Variants in PTPRB observed in about 807,000 individuals in gnomAD.
PTPRB encodes protein tyrosine phosphatase receptor type B.
In PTPRB, 97 loss-of-function variants were observed where a neutral mutation model predicts 238.1. That is an observed-to-expected ratio of 0.41 (90% CI 0.35 to 0.48). PTPRB has a LOEUF of 0.48. Ranked by LOEUF, PTPRB falls within the 20% of genes least tolerant of loss-of-function variation. The pLI is 0.30. For synonymous variants in PTPRB, 970 were observed against 995.4 expected (o/e 0.97, Z 0.48); for missense variants, 2,292 against 2,681.9 (o/e 0.85, Z 3.21).
At chr12:70,551,351 A>T (rs1340112878) in intron 21 of PTPRB, among the ~76,000 whole-genome samples, 1 of 152,120 alleles carries the variant, frequency 6.6e-6, no homozygotes, top group Non-Finnish European at 1.5e-5. Flanking sequence ...TTTAATCTGG[A>T]GGTGCTGACC....
chr12:70,580,261 G>C (rs886541267), intron 10 of PTPRB, among the ~76,000 whole-genome samples: 2 of 152,100 alleles, frequency 1.3e-5, no homozygotes, highest in Non-Finnish European at 2.9e-5. Context: ...TTAAGCACTT[G>C]TTTAACGTTG....
intron 9 of PTPRB, among the ~76,000 whole-genome samples, chr12:70,585,715 T>C (rs189086413): frequency 4.6e-5 from 7 of 152,206 alleles, no homozygotes; most frequent in African/African-American, 1.7e-4. Flanking sequence ...GTTACATAGG[T>C]ATACATGTGC....
rs775969041 is a variant in PTPRB at position 70,580,993 on chromosome 12, T to C, written c.2578+43A>G. 7 of 1,588,292 alleles carry C rather than the reference T, an allele frequency of 4.4e-6. No individual in the cohort carries two copies. The Admixed American group carries it at 1.2e-4, about 27-fold the overall frequency. The stretch of plus-strand genomic sequence containing the variant: ...TATTCTGATTAGGGGTCTCATGTAC[T>C]CAGATCTTAGTTAAGTCACAGACAC... On this transcript the variant is annotated intron_variant, in intron 10 of 33. Transcript: ENST00000334414.
chr12:70,552,132 T>G (rs1485675930), intron 21 of PTPRB, among the ~76,000 whole-genome samples: 2 of 152,178 alleles, frequency 1.3e-5, no homozygotes, highest in African/African-American at 2.4e-5. Context: ...AACTCAGTCA[T>G]TTTATTTGGA....
chr12:70,532,151 C>T lies in PTPRB; in HGVS notation c.6388G>A (p.Gly2130Arg), dbSNP rs1873353683. The T allele has an allele frequency of 6.2e-7, 1 of 1,610,278 alleles. No individual in the cohort carries two copies. The highest frequency in any genetic ancestry group is 8.5e-7 in the Non-Finnish European group (1 of 1,178,774). Residue 2130 changes from glycine to arginine, a missense_variant, in exon 32 of 34, where the codon GGA becomes AGA. Around this residue, in one of 4 missense-constraint regions of PTPRB, gnomAD observed 397 missense variants for 502.0 expected, o/e 0.79. Coordinates refer to ENST00000334414, the MANE Select transcript of PTPRB (RefSeq NM_001109754.4). ...VHCSAGVGRT[G>R]TFIALDRILQ... ...ATTCGGTCCAATGCAATAAAGGTTCCAGTCCTACCCACACCAGCACTAGAA... is the reference window on the plus strand; with the variant it reads ...ATTCGGTCCAATGCAATAAAGGTTCTAGTCCTACCCACACCAGCACTAGAA...
At chr12:70,631,449 A>C (rs903300853) in intron 2 of PTPRB, among the ~76,000 whole-genome samples, 35 of 152,196 alleles carry the variant, frequency 2.3e-4, no homozygotes, top group African/African-American at 8.0e-4. Context: ...TAAAGACTTA[A>C]ATGTTAGACC....
intron 28 of PTPRB, among the ~76,000 whole-genome samples, chr12:70,537,090 C>T (rs375582068): frequency 1.6e-4 from 24 of 152,170 alleles, no homozygotes; most frequent in Admixed American, 1.3e-3. Flanking sequence ...GGAGATCTTC[C>T]TGGCTAACAC....
In PTPRB at chr12:70,536,046, G is replaced by A. The variant is rs1874078061; in HGVS notation, c.6060C>T (p.Thr2020=). Residue 2020 remains threonine, a synonymous_variant, in exon 29 of 34, where the codon ACC becomes ACT. Transcript: ENST00000334414. ...EQNVHNIVMV[T]QCVEKGRVKC... ...TCACTCGGCCCTTCTCAACACACTG[G>A]GTCACCATGACGATGTTGTGAACGT... is the stretch of plus-strand genomic sequence containing the variant. The A allele has an allele frequency of 1.2e-6, 2 of 1,613,506 alleles. No homozygotes were observed. The highest frequency in any genetic ancestry group is 1.7e-6 in the Non-Finnish European group (2 of 1,179,734).
rs1871259312 is a variant in PTPRB, at chr12:70,517,160, A to G, written c.*4329T>C. Reference sequence around the variant, plus strand: ...GTGTGTCTAAAATGCCAAACCCAGTACATTTAGTTAAATATCTGGTCAATT... The same window carrying G: ...GTGTGTCTAAAATGCCAAACCCAGTGCATTTAGTTAAATATCTGGTCAATT... On this transcript the variant is annotated 3_prime_UTR_variant, in exon 34 of 34. Transcript: ENST00000334414. The G allele has an allele frequency of 2.0e-5, 3 of 152,356 alleles. 1 individual carries two copies. The highest frequency in any genetic ancestry group is 2.0e-4 in the Admixed American group (3 of 15,306). 9.4% of individuals were successfully genotyped at this position (152,356 alleles called of 1,614,324 possible). A position where few individuals can be genotyped will look rare whatever the true frequency, so the allele number is the denominator to read the frequency against.
intron 32 of PTPRB, among the ~76,000 whole-genome samples, chr12:70,528,571 A>T (rs1872727901): frequency 6.6e-6 from 1 of 152,154 alleles, no homozygotes. Context: ...GAACTGGAGG[A>T]AAAGAAATCC....
intron 4 of PTPRB, chr12:70,608,861 GT>G: frequency 1.4e-6 from 1 of 712,478 alleles, no homozygotes; most frequent in Non-Finnish European, 2.2e-6. Flanking sequence ...CTAGTTGGCT[GT>G]TTTCAGCACT....
chr12:70,632,091 G>A (rs1436565956), intron 2 of PTPRB, among the ~76,000 whole-genome samples: 1 of 151,952 alleles, frequency 6.6e-6, no homozygotes, highest in Non-Finnish European at 1.5e-5. Context: ...TATACTCAAA[G>A]GATTATAAAT....
chr12:70,609,705 T>G (rs1343477057), intron 3 of PTPRB: 2 of 1,489,534 alleles, frequency 1.3e-6, no homozygotes, highest in Non-Finnish European at 9.2e-7. Flanking sequence ...GAGTGGGAAT[T>G]TGGTTTTCGG....
chr12:70,578,527 C>G (rs1881030943), intron 10 of PTPRB, among the ~76,000 whole-genome samples: 1 of 152,072 alleles, frequency 6.6e-6, no homozygotes, highest in Non-Finnish European at 1.5e-5. Context: ...CTCCTCAAAA[C>G]TTTATGACCA....
intron 21 of PTPRB, among the ~76,000 whole-genome samples, chr12:70,549,764 T>A (rs1240927332): frequency 6.6e-6 from 1 of 152,136 alleles, no homozygotes; most frequent in Non-Finnish European, 1.5e-5. Context: ...ACACCTCCTC[T>A]CATCAAGCAT....
chr12:70,522,817 A>G (rs1303031361), intron 33 of PTPRB, among the ~76,000 whole-genome samples: 1 of 147,074 alleles, frequency 6.8e-6, no homozygotes, highest in East Asian at 2.0e-4. Context: ...TTCTTTATTT[A>G]GCTATTATAA....
chr12:70,532,196 G>A, intron 31 of PTPRB, 26 bp from the exon 32 acceptor site: 1 of 1,540,874 alleles, frequency 6.5e-7, no homozygotes, highest in Non-Finnish European at 8.7e-7. Context: ...AAGGAAGATT[G>A]AGCCTTTTTA....
At chr12:70,538,457 C>A in intron 27 of PTPRB, 1 of 515,298 alleles carries the variant, frequency 1.9e-6, no homozygotes, top group South Asian at 3.1e-5. Context: ...ATCTGTGCTT[C>A]CCTTTCTGAC....
chr12:70,617,753 CA>C (rs1362154397), intron 3 of PTPRB, among the ~76,000 whole-genome samples: 5 of 143,676 alleles, frequency 3.5e-5, no homozygotes, highest in Non-Finnish European at 6.0e-5. Flanking sequence ...CTTTGAAGGC[CA>C]AATAGAAGGA....
Sources: allele counts gnomAD v4.1 joint callset (sites outside exome capture counted in the v4.1 genomes callset), GRCh38; gene constraint gnomAD v4.1.1; regional missense constraint gnomAD v4.1.1; transcripts MANE v1.5; gene names NCBI Gene and HGNC (gene_info 2026-07-23, HGNC 2026-07-21).